GARS1: variants seen among roughly 807,000 people sequenced by gnomAD.
GARS1 encodes glycine--tRNA ligase.
GARS1 carries 46 observed loss-of-function variants against 86.4 expected under a neutral mutation model. That is an observed-to-expected ratio of 0.53 (90% confidence interval 0.42 to 0.68). GARS1 has a LOEUF of 0.68. Ranked by LOEUF, GARS1 falls within the 30% of genes least tolerant of loss-of-function variation. The pLI is 0.00. For missense variants in GARS1, 797 were observed against 915.6 expected, an observed-to-expected ratio of 0.87 and a Z score of 1.67; for synonymous variants, 342 against 329.8, an observed-to-expected ratio of 1.04 and a Z score of -0.40.
In GARS1 at chr7:30,628,396, G is replaced by A. The variant is rs760025277; in HGVS notation, c.1700-164G>A. On this transcript the variant is annotated intron_variant, in intron 13 of 16. Transcript: ENST00000389266. ...GACGGGGTTTCACCATGTTGGTCAG[G>A]CTGGTCTCGAACTCCTGACCTCAGA... 1.1e-4 allele frequency: 61 copies of A among 534,188 alleles called. No homozygotes were observed. In the Middle Eastern group the frequency reaches 1.3e-3, roughly 11 times the overall value. The allele number at this position is 534,188 out of a possible 1,614,324, so 33.1% of individuals were successfully genotyped here.
In GARS1 at chr7:30,614,602, G is replaced by A. The variant is rs144519104; in HGVS notation, c.1032-1294G>A. 3.9e-5 allele frequency among the ~76,000 whole-genome samples: 6 copies of A among 152,236 alleles called. No homozygotes were observed. The East Asian group carries it at 9.6e-4, about 24-fold the overall frequency. On this transcript the variant is annotated intron_variant, in intron 8 of 16. Transcript: ENST00000389266. ...TAAAAATTAAACCTCTTGGCCGGGCGCAGTGGCTCACGCCTGTAATCCCAG... is the reference window on the plus strand; with the variant it reads ...TAAAAATTAAACCTCTTGGCCGGGCACAGTGGCTCACGCCTGTAATCCCAG...
chr7:30,628,547 A>C lies in GARS1; in HGVS notation c.1700-13A>C, dbSNP rs762966640. On this transcript the variant is annotated splice_polypyrimidine_tract_variant and intron_variant, in intron 13 of 16. Coordinates refer to ENST00000389266, the MANE Select transcript of GARS1 (RefSeq NM_002047.4). Reference sequence around the variant, plus strand: ...TTTGAGAGAATGTTATTGAATTTCTATCTCTTTTTCAGTGGAAGAAGTTGT... The same window carrying C: ...TTTGAGAGAATGTTATTGAATTTCTCTCTCTTTTTCAGTGGAAGAAGTTGT... The C allele has an allele frequency of 6.4e-7, 1 of 1,556,970 alleles. No homozygotes were observed. Among genetic ancestry groups the C allele is most frequent in the East Asian group, 2.2e-5 (1 of 44,468 alleles).
At chr7:30,606,883 A>C (rs1414154928) in intron 6 of GARS1, among the ~76,000 whole-genome samples, 1 of 152,156 alleles carries the variant, frequency 6.6e-6, no homozygotes, top group Non-Finnish European at 1.5e-5. Context: ...AGTTAACTTA[A>C]AGTTAGGTTT....
chr7:30,596,435 C>T (rs905215941), intron 1 of GARS1, among the ~76,000 whole-genome samples: 2 of 151,652 alleles, frequency 1.3e-5, no homozygotes, highest in Non-Finnish European at 2.9e-5. Flanking sequence ...CTTAACTTGC[C>T]ATTTTAAAAA....
Position 30,600,015 on chromosome 7 carries a change from G to C in GARS1, c.393G>C (p.Arg131Ser). 6.2e-7 allele frequency: 1 copy of C among 1,613,968 alleles called. No homozygotes were observed. Among genetic ancestry groups the C allele is most frequent in the South Asian group, 1.1e-5 (1 of 91,078 alleles). ...RAKMEDTLKR[R>S]FFYDQAFAIY... ...AAATGGAAGATACCCTGAAGAGGAG[G>C]TTTTTCTATGATCAAGCTTTTGCTA... The change falls in exon 3 of 17, where the codon AGG (arginine) becomes AGC (serine). Residue 131 changes from arginine to serine, a missense_variant. Around this residue, in one of 2 missense-constraint regions of GARS1, gnomAD observed 199 missense variants for 176.9 expected, o/e 1.12. Transcript: ENST00000389266.
intron 7 of GARS1, among the ~76,000 whole-genome samples, 185 bp from the exon 8 acceptor site, chr7:30,611,906 ATTTTC>A (rs1782766432): frequency 6.6e-6 from 1 of 152,176 alleles, no homozygotes; most frequent in African/African-American, 2.4e-5. Flanking sequence ...TACTTAATAC[ATTTTC>A]TAATACGTGC....
chr7:30,610,410 G>A (rs1237691695), intron 7 of GARS1, among the ~76,000 whole-genome samples: 1 of 152,188 alleles, frequency 6.6e-6, no homozygotes, highest in Non-Finnish European at 1.5e-5. Flanking sequence ...GACTTAGCCA[G>A]TGTTCCATTT....
At chr7:30,606,206 C>T (rs1207914789) in intron 6 of GARS1, among the ~76,000 whole-genome samples, 1 of 151,882 alleles carries the variant, frequency 6.6e-6, no homozygotes, top group African/African-American at 2.4e-5. Flanking sequence ...TACATAGTAC[C>T]TGGTTAGCTC....
chr7:30,598,377 C>CTTTTTTT (rs1174085518), intron 1 of GARS1, among the ~76,000 whole-genome samples: 163 of 99,588 alleles, frequency 1.6e-3, no homozygotes, highest in Non-Finnish European at 2.2e-3. Context: ...TTGCATCATT[C>CTTTTTTT]TTTTTTTTTT....
chr7:30,602,782 G>T (rs1791407445), intron 4 of GARS1, among the ~76,000 whole-genome samples: 1 of 152,204 alleles, frequency 6.6e-6, no homozygotes, highest in Admixed American at 6.5e-5. Context: ...TTGTAGAAAA[G>T]AATTGTCTTT....
At chr7:30,631,378 G>A (rs956015955) in intron 14 of GARS1, 70 bp from the exon 15 acceptor site, 15 of 1,227,160 alleles carry the variant, frequency 1.2e-5, no homozygotes, top group Non-Finnish European at 1.8e-5. Context: ...ACCTCTTTTG[G>A]TTTGGGATAT....
At chr7:30,622,213 TAGAG>T in intron 11 of GARS1, 100 bp from the exon 12 acceptor site, 3 of 1,366,922 alleles carry the variant, frequency 2.2e-6, no homozygotes, top group Non-Finnish European at 3.1e-6. Context: ...GGAGTACTGA[TAGAG>T]AGCTGGCATG....
chr7:30,609,616 A>C lies in GARS1; in HGVS notation c.767A>C (p.Asp256Ala). The C allele has an allele frequency of 6.2e-7, 1 of 1,613,362 alleles. No homozygotes were observed. The highest frequency in any genetic ancestry group is 2.2e-5 in the East Asian group (1 of 44,796). The change falls in exon 7 of 17, where the codon GAT becomes GCT. Residue 256 changes from aspartate (D) to alanine (A), a missense_variant. By Grantham distance (126) the Asp-to-Ala change is moderately radical. This residue lies in a region of GARS1 where 598 missense variants were observed against 738.7 expected (regional missense o/e 0.81). Transcript: ENST00000389266. ...AACTATGGACAGCAAGAACTTGCGG[A>C]TCTTTTTGTGAACTATAATGTAAAA... is the stretch of plus-strand genomic sequence containing the variant. ...LDNYGQQELA[D>A]LFVNYNVKSP...
intron 8 of GARS1, among the ~76,000 whole-genome samples, chr7:30,612,449 G>A (rs1052184804): frequency 6.6e-6 from 1 of 152,178 alleles, no homozygotes; most frequent in Non-Finnish European, 1.5e-5. Context: ...AAGTGAACTT[G>A]AAGGGAAAGG....
chr7:30,602,639 G>A (rs1241601612), intron 4 of GARS1, among the ~76,000 whole-genome samples: 1 of 152,180 alleles, frequency 6.6e-6, no homozygotes, highest in Non-Finnish European at 1.5e-5. Context: ...AAGGTTCAAT[G>A]TCTATACTGA....
At chr7:30,627,819 G>A (rs1206368581) in intron 13 of GARS1, among the ~76,000 whole-genome samples, 2 of 152,222 alleles carry the variant, frequency 1.3e-5, no homozygotes, top group Non-Finnish European at 2.9e-5. Context: ...CTTTTTGCAT[G>A]TAGGAATTGT....
At chr7:30,613,688 G>A (rs1782823918) in intron 8 of GARS1, among the ~76,000 whole-genome samples, 1 of 152,138 alleles carries the variant, frequency 6.6e-6, no homozygotes, top group Non-Finnish European at 1.5e-5. Flanking sequence ...GGATTCTTTG[G>A]TCATTTTCAC....
At chr7:30,620,728 T>A (rs1372257351) in intron 10 of GARS1, among the ~76,000 whole-genome samples, 1 of 152,246 alleles carries the variant, frequency 6.6e-6, no homozygotes, top group Non-Finnish European at 1.5e-5. Context: ...TATACTGAGT[T>A]TTCTTTTGTT....
chr7:30,633,787 G>A lies in GARS1; in HGVS notation c.2147G>A (p.Trp716Ter). ...GACCTAGCCAATGGCAACATCACAT[G>A]GGCTGATGTGGAGGCCAGGTATCCT... ...VQDLANGNITWADVEARYPLF... is the reference protein window; with the variant it reads ...VQDLANGNIT Residue 716 changes from tryptophan to a stop codon, truncating the protein, a stop_gained, in exon 17 of 17, where the codon TGG becomes TAG. Transcript: ENST00000389266. LOFTEE classifies it high-confidence loss of function. 6.2e-7 allele frequency: 1 copy of A among 1,613,578 alleles called. No homozygotes were observed. The highest frequency in any genetic ancestry group is 8.5e-7 in the Non-Finnish European group (1 of 1,179,572).
Sources: allele counts gnomAD v4.1 joint callset (sites outside exome capture counted in the v4.1 genomes callset), GRCh38; gene constraint gnomAD v4.1.1; regional missense constraint gnomAD v4.1.1; transcripts MANE v1.5; gene names NCBI Gene and HGNC (gene_info 2026-07-23, HGNC 2026-07-21).